Variants in PITPNM2 observed in about 807,000 individuals in gnomAD.
The protein encoded by PITPNM2 is phosphatidylinositol transfer protein membrane associated 2.
PITPNM2 carries 35 observed loss-of-function variants against 132.2 expected under a neutral mutation model. The ratio of observed to expected loss-of-function variants is 0.26; its 90% CI spans 0.20 to 0.35. PITPNM2 has a LOEUF of 0.35. Among genes scored for constraint, PITPNM2 ranks in the 10% least tolerant of loss-of-function variants. PITPNM2 has a pLI of 1.00. For synonymous variants in PITPNM2, 738 were observed against 799.2 expected, an observed-to-expected ratio of 0.92 and a Z score of 1.29; for missense variants, 1,332 against 1,912.0, an observed-to-expected ratio of 0.70 and a Z score of 5.66.
chr12:123,037,274 GGA>G (rs1417512630), intron 2 of PITPNM2, among the ~76,000 whole-genome samples: 1 of 152,248 alleles, frequency 6.6e-6, no homozygotes, highest in African/African-American at 2.4e-5. Flanking sequence ...CATACATAAA[GGA>G]GAGAGAGCTT....
intron 2 of PITPNM2, among the ~76,000 whole-genome samples, chr12:123,066,834 G>T (rs1048084466): frequency 6.6e-6 from 1 of 152,082 alleles, no homozygotes. Context: ...GATTCTACTC[G>T]TGGAGGCAAA....
chr12:122,991,843 A>T (rs1326804121), intron 16 of PITPNM2: 3 of 1,304,872 alleles, frequency 2.3e-6, no homozygotes, highest in Non-Finnish European at 2.9e-6. Context: ...CGTGGGGGAG[A>T]GGGGCCAGGG....
At chr12:123,062,870 C>A (rs1362016838) in intron 2 of PITPNM2, among the ~76,000 whole-genome samples, 1 of 152,170 alleles carries the variant, frequency 6.6e-6, no homozygotes, top group Non-Finnish European at 1.5e-5. Flanking sequence ...TGCATATCAC[C>A]CCTGCTTCAC....
Position 123,031,477 on chromosome 12 carries a change from C to CTA in PITPNM2, c.78+3034_78+3035dup, listed in dbSNP as rs2040085692. On this transcript the variant is annotated intron_variant, in intron 3 of 25. Transcript: ENST00000320201. This position sits in a 1 kb window ranked among gnomAD's most constrained non-coding sequence, Gnocchi z 4.5. ...CCCAGTCAGTAGCTCTAGCAGGAAC[C>CTA]TATGGCTTCCTGGTAACTACATGAG... is the stretch of plus-strand genomic sequence containing the variant. 6.6e-6 allele frequency among the ~76,000 whole-genome samples: 1 copy of CTA among 152,226 alleles called. No homozygotes were observed. The highest frequency in any genetic ancestry group is 1.5e-5 in the Non-Finnish European group (1 of 68,036).
intron 1 of PITPNM2, among the ~76,000 whole-genome samples, chr12:123,138,796 C>A (rs746866391): frequency 1.3e-5 from 2 of 152,148 alleles, no homozygotes; most frequent in Non-Finnish European, 2.9e-5. Flanking sequence ...TACTATATAA[C>A]ACTGAATTAT....
intron 1 of PITPNM2, among the ~76,000 whole-genome samples, chr12:123,112,149 T>TAAAAGTGAA (rs1262035232): frequency 6.6e-6 from 1 of 152,110 alleles, no homozygotes. Context: ...CTAAAAGTAT[T>TAAAAGTGAA]AAAAGTGAAA....
intron 8 of PITPNM2, among the ~76,000 whole-genome samples, chr12:123,002,861 A>G (rs1359820795): frequency 1.3e-5 from 2 of 152,168 alleles, no homozygotes. Context: ...TTCAATTTCC[A>G]CCTTCCAGTG....
rs187305368 is a variant in PITPNM2 at position 123,106,049 on chromosome 12, G to A, written c.-96+4336C>T. Reference sequence around the variant, plus strand: ...CCCCCTGCAAGCATGGTATGCCTGCGCAAACCTCAACAAGTGACCAAAAGC... The same window carrying A: ...CCCCCTGCAAGCATGGTATGCCTGCACAAACCTCAACAAGTGACCAAAAGC... On this transcript the variant is annotated intron_variant, in intron 2 of 25. Coordinates refer to ENST00000320201, the MANE Select transcript of PITPNM2 (RefSeq NM_020845.3). This position sits in a 1 kb window ranked among gnomAD's most constrained non-coding sequence, Gnocchi z 4.4. Among the ~76,000 whole-genome samples the A allele has an allele frequency of 4.3e-4, 66 of 152,252 alleles. 1 individual carries two copies. In the Middle Eastern group the frequency reaches 0.01, roughly 24 times the overall value.
Position 123,073,904 on chromosome 12 carries a change from G to A in PITPNM2, c.-96+36481C>T, listed in dbSNP as rs375315919. ...TCTCAGACAACTAAGGTGGGTGGCC[G>A]TGGAGTGCAGGGAGAGTGAGCACCC... On this transcript the variant is annotated intron_variant, in intron 2 of 25. Coordinates refer to ENST00000320201, the MANE Select transcript of PITPNM2 (RefSeq NM_020845.3). 7.9e-5 allele frequency among the ~76,000 whole-genome samples: 12 copies of A among 152,266 alleles called. No homozygotes were observed. The South Asian group carries it at 1.0e-3, about 13-fold the overall frequency.
At chr12:123,134,842 C>T (rs969754007) in intron 1 of PITPNM2, among the ~76,000 whole-genome samples, 2 of 152,054 alleles carry the variant, frequency 1.3e-5, no homozygotes, top group African/African-American at 4.8e-5. Context: ...AAGGCCTCTG[C>T]GGGACTCAGT....
intron 2 of PITPNM2, among the ~76,000 whole-genome samples, chr12:123,093,728 G>C (rs1462964888): frequency 6.6e-6 from 1 of 152,226 alleles, no homozygotes; most frequent in Non-Finnish European, 1.5e-5. Context: ...CAGAAGACAG[G>C]CTGTTGCAGC....
chr12:123,077,389 C>T lies in PITPNM2; in HGVS notation c.-96+32996G>A, dbSNP rs1157588221. On this transcript the variant is annotated intron_variant, in intron 2 of 25. Transcript: ENST00000320201. The surrounding 1 kb of genome is among the most constrained non-coding windows in gnomAD (Gnocchi z 4.8). ...GTCAGAGAGACAGCCAACGTGTGGC[C>T]AACAATCACCACTCCAGAGCCCTGC... is the stretch of plus-strand genomic sequence containing the variant. Among the ~76,000 whole-genome samples the T allele has an allele frequency of 1.3e-5, 2 of 152,204 alleles. No individual in the cohort carries two copies. Among genetic ancestry groups the T allele is most frequent in the Non-Finnish European group, 2.9e-5 (2 of 68,042 alleles).
intron 19 of PITPNM2, among the ~76,000 whole-genome samples, 181 bp from the exon 20 acceptor site, chr12:122,988,531 C>T (rs2038038630): frequency 1.3e-5 from 2 of 152,166 alleles, no homozygotes; most frequent in Admixed American, 1.3e-4. Flanking sequence ...GACGAATGTG[C>T]AGATATGTTC....
chr12:123,022,746 G>T lies in PITPNM2; in HGVS notation c.79-8704C>A, dbSNP rs1566252923. Among the ~76,000 whole-genome samples the T allele has an allele frequency of 6.6e-6, 1 of 152,244 alleles. No homozygotes were observed. The highest frequency in any genetic ancestry group is 1.5e-5 in the Non-Finnish European group (1 of 68,042). On this transcript the variant is annotated intron_variant, in intron 3 of 25. Coordinates refer to ENST00000320201, the MANE Select transcript of PITPNM2 (RefSeq NM_020845.3). This position sits in a 1 kb window ranked among gnomAD's most constrained non-coding sequence, Gnocchi z 4.9. ...TGCATTAAACTGCAGAAACCTGCAT[G>T]TGCATCAGAACCCCCAACCCCTACC...
chr12:123,011,258 T>G (rs1296781132), intron 5 of PITPNM2, among the ~76,000 whole-genome samples: 1 of 152,244 alleles, frequency 6.6e-6, no homozygotes, highest in Non-Finnish European at 1.5e-5. Flanking sequence ...GGCTGCAGAC[T>G]GCAGACACAG....
intron 3 of PITPNM2, among the ~76,000 whole-genome samples, chr12:123,030,650 G>A (rs1036226683): frequency 5.3e-5 from 8 of 150,388 alleles, no homozygotes; most frequent in African/African-American, 1.7e-4. Flanking sequence ...CTGAGATGAC[G>A]CCACTGCACT....
At chr12:123,034,482 C>T (rs1338366958) in intron 3 of PITPNM2, 31 bp downstream of exon 3, 4 of 1,603,190 alleles carry the variant, frequency 2.5e-6, no homozygotes, top group Non-Finnish European at 3.4e-6. Context: ...CCCACCCTCA[C>T]CCCATGACCC....
intron 20 of PITPNM2, among the ~76,000 whole-genome samples, 165 bp downstream of exon 20, chr12:122,988,069 C>A (rs1415925881): frequency 2.6e-5 from 4 of 152,216 alleles, no homozygotes; most frequent in Non-Finnish European, 5.9e-5. Flanking sequence ...AACTAGGAAG[C>A]CTTGCTGCCT....
chr12:123,035,030 C>G (rs143103353), intron 2 of PITPNM2, among the ~76,000 whole-genome samples: 3 of 152,180 alleles, frequency 2.0e-5, no homozygotes, highest in African/African-American at 7.2e-5. Context: ...TCTATTTCCC[C>G]GGTACTGACA....
Sources: gnomAD v4.1 joint callset for allele counts (sites outside exome capture counted in the v4.1 genomes callset) on GRCh38, gnomAD v4.1.1 for gene constraint, Gnocchi (gnomAD v3.1) non-coding constraint, MANE v1.5 for transcripts, NCBI Gene and HGNC (gene_info 2026-07-23, HGNC 2026-07-21) for gene names.